The following SCX variants were observed in gnomAD, a reference collection of about 807,000 sequenced individuals.
SCX encodes basic helix-loop-helix transcription factor scleraxis.
Under a neutral mutation model 12.2 loss-of-function variants are expected in SCX, and 7 were observed. That is an observed-to-expected ratio of 0.57 (90% confidence interval 0.33 to 1.08). The LOEUF (loss-of-function observed/expected upper bound fraction) is 1.08. SCX is among the 50% of genes least tolerant of loss of function. SCX has a pLI of 0.04. For missense variants in SCX, 342 were observed against 337.2 expected, an observed-to-expected ratio of 1.01 and a Z score of -0.11; for synonymous variants, 193 against 163.9, an observed-to-expected ratio of 1.18 and a Z score of -1.36.
In SCX at chr8:144,266,522, C is replaced by T; in HGVS notation, c.-92C>T. 2.0e-6 allele frequency: 2 copies of T among 990,172 alleles called. No homozygotes were observed. The highest frequency in any genetic ancestry group is 2.4e-6 in the Non-Finnish European group (2 of 834,208). 61.3% of individuals were successfully genotyped at this position (990,172 alleles called of 1,614,324 possible). A position where few individuals can be genotyped will look rare whatever the true frequency, so the allele number is the denominator to read the frequency against. ...GCGGGGCGCAGCCGAGACCCCGCGC[C>T]TCGCCCCGGCCGGCCCGCGAGGCCC... On this transcript the variant is annotated 5_prime_UTR_variant, in exon 1 of 2. Coordinates refer to ENST00000567180, the MANE Select transcript of SCX (RefSeq NM_001080514.3).
chr8:144,267,135 G>C lies in SCX; in HGVS notation c.522G>C (p.Gln174His). Residue 174 changes from glutamine (Q) to histidine (H), a missense_variant, in exon 1 of 2, where the codon CAG (glutamine) becomes CAC (histidine). By Grantham distance (24) the Gln-to-His change is conservative. Coordinates refer to ENST00000567180, the MANE Select transcript of SCX (RefSeq NM_001080514.3). ...PPPARDGENT[Q>H]PKQICTFCLS... ...CCGCCCGCGACGGCGAGAACACCCA[G>C]CCCAAACAGATCTGCACCTTCTGCC... The C allele has an allele frequency of 1.3e-6, 2 of 1,523,140 alleles. No individual in the cohort carries two copies. Among genetic ancestry groups the C allele is most frequent in the South Asian group, 2.4e-5 (2 of 83,164 alleles). 94.4% of individuals were successfully genotyped at this position (1,523,140 alleles called of 1,614,324 possible). A position where few individuals can be genotyped will look rare whatever the true frequency, so the allele number is the denominator to read the frequency against.
At chr8:144,268,043 G>A (rs1845419123) in intron 1 of SCX, 61 bp from the exon 2 acceptor site, 2 of 1,548,926 alleles carry the variant, frequency 1.3e-6, no homozygotes, top group Non-Finnish European at 1.7e-6. Flanking sequence ...AGGGAGGCCA[G>A]AGAGGCGCAG....
At position 144,268,130 on chromosome 8, in the gene SCX, G is replaced by A. The variant is rs1356142514; in HGVS notation, c.594G>A (p.Ala198=). 7 of 1,551,722 alleles carry A rather than the reference G, an allele frequency of 4.5e-6. No individual in the cohort carries two copies. The highest frequency in any genetic ancestry group is 1.8e-4 in the Middle Eastern group (1 of 5,650). ...KLSKDRDRKT[A]IRS is the part of the protein sequence containing the mutation. ...GCAAGGACCGCGACAGAAAGACAGC[G>A]ATTCGCAGTTAGGAGGTGGCCGGCA... is the stretch of plus-strand genomic sequence containing the variant. The change falls in exon 2 of 2, where the codon GCG becomes GCA. Residue 198 remains alanine (A), a synonymous_variant. Transcript: ENST00000567180.
In SCX at chr8:144,267,138, C is replaced by T. The variant is rs1335112021; in HGVS notation, c.525C>T (p.Pro175=). 1.4e-5 allele frequency: 22 copies of T among 1,525,092 alleles called. No homozygotes were observed. The highest frequency in any genetic ancestry group is 1.9e-5 in the Non-Finnish European group (22 of 1,147,118). 94.5% of individuals were successfully genotyped at this position (1,525,092 alleles called of 1,614,324 possible). A position where few individuals can be genotyped will look rare whatever the true frequency, so the allele number is the denominator to read the frequency against. ...PPARDGENTQ[P]KQICTFCLSN... Reference sequence around the variant, plus strand: ...CCCGCGACGGCGAGAACACCCAGCCCAAACAGATCTGCACCTTCTGCCTCA... The same window carrying T: ...CCCGCGACGGCGAGAACACCCAGCCTAAACAGATCTGCACCTTCTGCCTCA... Residue 175 remains proline, a synonymous_variant, in exon 1 of 2, where the codon CCC becomes CCT. Coordinates refer to ENST00000567180, the MANE Select transcript of SCX (RefSeq NM_001080514.3).
Position 144,266,792 on chromosome 8 carries a change from G to C in SCX, c.179G>C (p.Arg60Pro), listed in dbSNP as rs1428874788. 1.8e-6 allele frequency: 2 copies of C among 1,119,272 alleles called. No individual in the cohort carries two copies. The highest frequency in any genetic ancestry group is 2.2e-6 in the Non-Finnish European group (2 of 917,304). 69.3% of individuals were successfully genotyped at this position (1,119,272 alleles called of 1,614,324 possible). ...QGARRRAGGR[R>P]AGGGGPGGRP... Reference sequence around the variant, plus strand: ...GCCCGGCGGAGGGCGGGGGGCCGGCGGGCCGGGGGCGGGGGGCCAGGGGGC... The same window carrying C: ...GCCCGGCGGAGGGCGGGGGGCCGGCCGGCCGGGGGCGGGGGGCCAGGGGGC... The change falls in exon 1 of 2, where the codon CGG becomes CCG. Residue 60 changes from arginine to proline, a missense_variant. Transcript: ENST00000567180.
In SCX at chr8:144,268,151, C is replaced by T. The variant is rs1040354892; in HGVS notation, c.*9C>T. ...CAGCGATTCGCAGTTAGGAGGTGGC[C>T]GGCAGCAGCCAGGAGGCAGACGCTG... On this transcript the variant is annotated 3_prime_UTR_variant, in exon 2 of 2. Transcript: ENST00000567180. 5.8e-6 allele frequency: 9 copies of T among 1,550,722 alleles called. No homozygotes were observed. Among genetic ancestry groups the T allele is most frequent in the Non-Finnish European group, 7.8e-6 (9 of 1,147,204 alleles).
chr8:144,268,086 C>G lies in SCX; in HGVS notation c.568-18C>G. Reference sequence around the variant, plus strand: ...CTGGGCTCTGCCGGGGCCTGACACTCCTCCCTCCCCTCTGCAGAGCAAGGA... The same window carrying G: ...CTGGGCTCTGCCGGGGCCTGACACTGCTCCCTCCCCTCTGCAGAGCAAGGA... On this transcript the variant is annotated intron_variant, in intron 1 of 1. Transcript: ENST00000567180. 6.5e-7 allele frequency: 1 copy of G among 1,550,248 alleles called. No homozygotes were observed.
At chr8:144,267,953 C>G (rs1845417162) in intron 1 of SCX, 151 bp from the exon 2 acceptor site, 2 of 1,233,098 alleles carry the variant, frequency 1.6e-6, no homozygotes, top group Non-Finnish European at 2.3e-6. Context: ...GTATGCTCCC[C>G]TCCCCAAAAC....
chr8:144,267,223 C>A, intron 1 of SCX, 43 bp downstream of exon 1: 1 of 1,478,008 alleles, frequency 6.8e-7, no homozygotes, highest in East Asian at 2.7e-5. Context: ...CTCCAACGCG[C>A]CCCTCAGCCC....
Position 144,266,457 on chromosome 8 carries a change from C to T in SCX, c.-157C>T, listed in dbSNP as rs1190236036. 94 of 969,354 alleles carry T rather than the reference C, an allele frequency of 9.7e-5. No individual in the cohort carries two copies. Among genetic ancestry groups the T allele is most frequent in the Admixed American group, 1.2e-4 (2 of 16,226 alleles). 60.0% of individuals were successfully genotyped at this position (969,354 alleles called of 1,614,324 possible). A position where few individuals can be genotyped will look rare whatever the true frequency, so the allele number is the denominator to read the frequency against. On this transcript the variant is annotated 5_prime_UTR_variant, in exon 1 of 2. Coordinates refer to ENST00000567180, the MANE Select transcript of SCX (RefSeq NM_001080514.3). The stretch of plus-strand genomic sequence containing the variant: ...CGCAGCTCGGGGCCCCGCTCCGGCC[C>T]GGGACGCACATGTGCGCGCGACGCC...
At chr8:144,267,269 C>T (rs1443113905) in intron 1 of SCX, 89 bp downstream of exon 1, 19 of 1,382,266 alleles carry the variant, frequency 1.4e-5, no homozygotes, top group Non-Finnish European at 1.7e-5. Context: ...GCCACACGGG[C>T]AGGGCTCCCC....
chr8:144,267,324 G>A, intron 1 of SCX, 144 bp downstream of exon 1: 1 of 1,028,124 alleles, frequency 9.7e-7, no homozygotes, highest in Non-Finnish European at 1.3e-6. Flanking sequence ...CCTGCCGGGG[G>A]CTGGGGCCTT....
chr8:144,266,991 C>T lies in SCX; in HGVS notation c.378C>T (p.His126=). ...GCCTGGCCTCCAGCTACATCTCGCA[C>T]CTGGGCAACGTGCTGCTGGCGGGCG... ...TLRLASSYIS[H]LGNVLLAGEA... is the part of the protein sequence containing the mutation. Residue 126 remains histidine, a synonymous_variant, in exon 1 of 2, where the codon CAC becomes CAT. Coordinates refer to ENST00000567180, the MANE Select transcript of SCX (RefSeq NM_001080514.3). 1 of 1,548,420 alleles carries T rather than the reference C, an allele frequency of 6.5e-7. No individual in the cohort carries two copies. The highest frequency in any genetic ancestry group is 1.8e-5 in the Admixed American group (1 of 56,216).
intron 1 of SCX, 22 bp downstream of exon 1, chr8:144,267,202 C>G: frequency 6.7e-7 from 1 of 1,495,218 alleles, no homozygotes; most frequent in Non-Finnish European, 8.8e-7. Flanking sequence ...CCGTGGGGCG[C>G]CGAGGGGGGC....
chr8:144,267,905 T>G, intron 1 of SCX, among the ~76,000 whole-genome samples, 199 bp from the exon 2 acceptor site: 1 of 152,200 alleles, frequency 6.6e-6, no homozygotes, highest in South Asian at 2.1e-4. Flanking sequence ...GGCCTGAACA[T>G]CTGGGAAATT....
chr8:144,267,990 G>C, intron 1 of SCX, 114 bp from the exon 2 acceptor site: 4 of 1,478,438 alleles, frequency 2.7e-6, no homozygotes, highest in Admixed American at 2.0e-5. Context: ...GGAGAGCCGG[G>C]AAGGAGGTGC....
rs935345067 is a variant in SCX, at chr8:144,268,090, C to T, written c.568-14C>T. 1.3e-5 allele frequency: 20 copies of T among 1,550,326 alleles called. No homozygotes were observed. Among genetic ancestry groups the T allele is most frequent in the Non-Finnish European group, 1.6e-5 (18 of 1,146,974 alleles). On this transcript the variant is annotated splice_polypyrimidine_tract_variant and intron_variant, in intron 1 of 1. Transcript: ENST00000567180. Reference sequence around the variant, plus strand: ...GCTCTGCCGGGGCCTGACACTCCTCCCTCCCCTCTGCAGAGCAAGGACCGC... The same window carrying T: ...GCTCTGCCGGGGCCTGACACTCCTCTCTCCCCTCTGCAGAGCAAGGACCGC...
chr8:144,267,890 C>G (rs1421552845), intron 1 of SCX, among the ~76,000 whole-genome samples: 1 of 152,260 alleles, frequency 6.6e-6, no homozygotes, highest in Non-Finnish European at 1.5e-5. Context: ...CGCGCGAGCT[C>G]CTGGGGCCTG....
At chr8:144,267,828 G>A (rs891294847) in intron 1 of SCX, among the ~76,000 whole-genome samples, 3 of 152,228 alleles carry the variant, frequency 2.0e-5, no homozygotes, top group East Asian at 3.8e-4. Flanking sequence ...GGGTGAGCAG[G>A]GAGAAAATAC....
Sources: allele counts gnomAD v4.1 joint callset (sites outside exome capture counted in the v4.1 genomes callset), GRCh38; gene constraint gnomAD v4.1.1; transcripts MANE v1.5; gene names NCBI Gene and HGNC (gene_info 2026-07-23, HGNC 2026-07-21).